KCNT2: variants seen among roughly 807,000 people sequenced by gnomAD.
The protein encoded by KCNT2 is potassium channel subfamily T member 2.
Under a neutral mutation model 153.8 loss-of-function variants are expected in KCNT2, and 67 were observed. The ratio of observed to expected loss-of-function variants is 0.44; its 90% confidence interval spans 0.36 to 0.53. The LOEUF (loss-of-function observed/expected upper bound fraction) is 0.53, where lower values mean the gene tolerates loss of function less well. Ranked by LOEUF, KCNT2 falls within the 20% of genes least tolerant of loss-of-function variation. KCNT2 has a pLI of 0.00. For synonymous variants in KCNT2, 500 were observed against 458.8 expected, an observed-to-expected ratio of 1.09 and a Z score of -1.15; for missense variants, 975 against 1,354.8, an observed-to-expected ratio of 0.72 and a Z score of 4.40.
rs1020875243 is a variant in KCNT2, at chr1:196,261,828, C to T, written c.2911-3334G>A. On this transcript the variant is annotated intron_variant, in intron 25 of 27. Coordinates refer to ENST00000294725, the MANE Select transcript of KCNT2 (RefSeq NM_198503.5). The stretch of plus-strand genomic sequence containing the variant: ...TCTATTGTAAGGCACATAATATAAT[C>T]GTTAACTTGAAAAATCAAAATTTAA... Among the ~76,000 whole-genome samples, 13 of 151,874 alleles carry T rather than the reference C, an allele frequency of 8.6e-5. No homozygotes were observed. In the East Asian group the frequency reaches 1.2e-3, roughly 14 times the overall value.
chr1:196,485,473 A>T (rs1203996870), intron 3 of KCNT2, among the ~76,000 whole-genome samples: 1 of 152,054 alleles, frequency 6.6e-6, no homozygotes, highest in East Asian at 1.9e-4. Context: ...TCGTATTTTT[A>T]AAATTCCAAA....
intron 1 of KCNT2, among the ~76,000 whole-genome samples, chr1:196,571,984 G>A (rs1240800127): frequency 6.6e-6 from 1 of 152,076 alleles, no homozygotes; most frequent in Admixed American, 6.6e-5. Context: ...AGCAGGACCT[G>A]AAAGGCAACC....
chr1:196,243,705 G>A (rs866822887), intron 26 of KCNT2, among the ~76,000 whole-genome samples: 4 of 152,174 alleles, frequency 2.6e-5, no homozygotes, highest in South Asian at 4.1e-4. Context: ...GTTCTGGCAA[G>A]CCTTGTCACT....
At chr1:196,433,968 C>CT (rs1674389158) in intron 8 of KCNT2, among the ~76,000 whole-genome samples, 1 of 151,778 alleles carries the variant, frequency 6.6e-6, no homozygotes, top group Non-Finnish European at 1.5e-5. Context: ...TGCTTTTTTC[C>CT]TTTTTCTTTT....
chr1:196,331,772 T>C (rs1558155050), intron 17 of KCNT2, among the ~76,000 whole-genome samples: 1 of 152,114 alleles, frequency 6.6e-6, no homozygotes, highest in Admixed American at 6.6e-5. Flanking sequence ...ACAAAATACA[T>C]TTAAGGCAAA....
At chr1:196,563,077 A>G (rs1321651288) in intron 1 of KCNT2, among the ~76,000 whole-genome samples, 1 of 151,920 alleles carries the variant, frequency 6.6e-6, no homozygotes, top group Non-Finnish European at 1.5e-5. Context: ...TACGCCTTCA[A>G]CCTTCAGTCT....
chr1:196,234,828 A>G (rs1654286941), intron 27 of KCNT2, among the ~76,000 whole-genome samples: 1 of 151,346 alleles, frequency 6.6e-6, no homozygotes. Flanking sequence ...CATCCTATGG[A>G]TCTAATATCC....
chr1:196,412,458 G>A (rs192393200), intron 12 of KCNT2, among the ~76,000 whole-genome samples: 84 of 151,756 alleles, frequency 5.5e-4, no homozygotes, highest in African/African-American at 2.0e-3. Context: ...TGTTATACTA[G>A]GGTACTTTTC....
chr1:196,593,594 T>C (rs1473449051), intron 1 of KCNT2, among the ~76,000 whole-genome samples: 49 of 151,852 alleles, frequency 3.2e-4, no homozygotes, highest in Admixed American at 3.2e-3. Flanking sequence ...GGGGGATGGA[T>C]ATCCCATTTT....
At chr1:196,599,187 G>C (rs549710513) in intron 1 of KCNT2, among the ~76,000 whole-genome samples, 1 of 152,228 alleles carries the variant, frequency 6.6e-6, no homozygotes, top group Non-Finnish European at 1.5e-5. Context: ...ACAGCAGGCT[G>C]TCCATTATTA....
chr1:196,531,090 T>C (rs567934011), intron 1 of KCNT2, among the ~76,000 whole-genome samples: 94 of 152,272 alleles, frequency 6.2e-4, no homozygotes, highest in African/African-American at 2.1e-3. Context: ...CCATGTCCTC[T>C]AATATTCTCA....
intron 1 of KCNT2, among the ~76,000 whole-genome samples, chr1:196,559,977 G>A (rs537422352): frequency 2.0e-5 from 3 of 151,556 alleles, no homozygotes; most frequent in East Asian, 3.9e-4. Context: ...ATCTTAGGAA[G>A]GTTTTCTCCA....
In KCNT2 at chr1:196,340,330, T is replaced by G; in HGVS notation, c.1783+11A>C. 6.9e-7 allele frequency: 1 copy of G among 1,444,502 alleles called. No homozygotes were observed. The highest frequency in any genetic ancestry group is 1.4e-5 in the African/African-American group (1 of 70,442). 89.5% of individuals were successfully genotyped at this position (1,444,502 alleles called of 1,614,324 possible). The stretch of plus-strand genomic sequence containing the variant: ...ATAAATTAATGATATTTCAAATTTG[T>G]TTATACTTACCCATGCTGGCAATTA... On this transcript the variant is annotated intron_variant, in intron 16 of 27. Transcript: ENST00000294725.
At chr1:196,444,822 A>G (rs1422538698) in intron 8 of KCNT2, among the ~76,000 whole-genome samples, 5 of 151,364 alleles carry the variant, frequency 3.3e-5, no homozygotes, top group Non-Finnish European at 5.9e-5. Flanking sequence ...ATCTACTGAT[A>G]TTGTGAGTGG....
At chr1:196,273,866 A>C (rs1325298) in intron 25 of KCNT2, among the ~76,000 whole-genome samples, 2 of 151,584 alleles carry the variant, frequency 1.3e-5, no homozygotes, top group Non-Finnish European at 3.0e-5. Flanking sequence ...TACTCCATAC[A>C]CTATAAATGA....
Position 196,501,396 on chromosome 1 carries a change from G to A in KCNT2, c.96-9055C>T, listed in dbSNP as rs544191207. On this transcript the variant is annotated intron_variant, in intron 1 of 27. Coordinates refer to ENST00000294725, the MANE Select transcript of KCNT2 (RefSeq NM_198503.5). Reference sequence around the variant, plus strand: ...ACACATACACACACAATGGAATACTGTTTGGGTATAAAAAAAGAAAAATAA... The same window carrying A: ...ACACATACACACACAATGGAATACTATTTGGGTATAAAAAAAGAAAAATAA... Among the ~76,000 whole-genome samples the A allele has an allele frequency of 2.6e-5, 4 of 152,156 alleles. No homozygotes were observed. In the East Asian group the frequency reaches 7.7e-4, roughly 29 times the overall value.
At chr1:196,367,343 G>A (rs2148302323) in intron 14 of KCNT2, among the ~76,000 whole-genome samples, 1 of 152,108 alleles carries the variant, frequency 6.6e-6, no homozygotes, top group Non-Finnish European at 1.5e-5. Context: ...GACCTTCGTG[G>A]TACTTCACAT....
chr1:196,293,367 T>C (rs1230927488), intron 22 of KCNT2, among the ~76,000 whole-genome samples: 1 of 151,820 alleles, frequency 6.6e-6, no homozygotes, highest in Non-Finnish European at 1.5e-5. Flanking sequence ...AAAAAACAAA[T>C]CTGGAGACAT....
intron 1 of KCNT2, among the ~76,000 whole-genome samples, chr1:196,566,291 A>G (rs1214492778): frequency 6.6e-6 from 1 of 152,030 alleles, no homozygotes; most frequent in African/African-American, 2.4e-5. Context: ...CAAAGGGCAC[A>G]GTGACCTGAA....
Sources: allele counts gnomAD v4.1 joint callset (sites outside exome capture counted in the v4.1 genomes callset), GRCh38; gene constraint gnomAD v4.1.1; transcripts MANE v1.5; gene names NCBI Gene and HGNC (gene_info 2026-07-23, HGNC 2026-07-21).